Variants in ALG12 observed in about 807,000 individuals in gnomAD.
ALG12 encodes the protein ALG12 alpha-1,6-mannosyltransferase.
A neutral mutation model predicts 46.0 loss-of-function variants in ALG12; 36 were observed. The ratio of observed to expected loss-of-function variants is 0.78; its 90% CI spans 0.60 to 1.03. The LOEUF is 1.03. ALG12 is among the 50% of genes least tolerant of loss of function. The pLI, the probability that ALG12 is intolerant of heterozygous loss-of-function variation, is 0.00. For synonymous variants in ALG12, 326 were observed against 291.6 expected (o/e 1.12, Z -1.20); for missense variants, 599 against 633.5 (o/e 0.95, Z 0.58).
chr22:49,912,012 GCCTCGGCCACGGGATCAC>G (rs2060579849), intron 3 of ALG12, among the ~76,000 whole-genome samples: 1 of 150,380 alleles, frequency 6.6e-6, no homozygotes. Flanking sequence ...CCCGGGATCA[GCCTCGGCCACGGGATCAC>G]CCTCGGCCCC....
At chr22:49,866,506 A>G in the ALG12 span, among the ~76,000 whole-genome samples, 4 of 151,448 alleles carry the variant, frequency 2.6e-5, no homozygotes, top group Non-Finnish European at 5.9e-5. Flanking sequence ...TTTTACTTTT[A>G]TTTTTAGTGT....
downstream of ALG12, among the ~76,000 whole-genome samples, chr22:49,899,187 T>C (rs529596825): frequency 2.6e-5 from 4 of 152,008 alleles, no homozygotes; most frequent in Admixed American, 2.6e-4. Context: ...AGAAAAATGA[T>C]GCAGGCCGGG....
At chr22:49,874,865 T>C in the ALG12 span, among the ~76,000 whole-genome samples, 1 of 151,698 alleles carries the variant, frequency 6.6e-6, no homozygotes, top group Non-Finnish European at 1.5e-5. Context: ...GTATTTTTAA[T>C]AGAGACGGGG....
At chr22:49,876,618 T>A in the ALG12 span, among the ~76,000 whole-genome samples, 3 of 152,230 alleles carry the variant, frequency 2.0e-5, no homozygotes, top group Non-Finnish European at 4.4e-5. Context: ...TATACCTTTT[T>A]TCATCCATTT....
the ALG12 span, chr22:49,884,799 G>A: frequency 1.0e-4 from 162 of 1,609,534 alleles, no homozygotes; most frequent in South Asian, 7.5e-4. Flanking sequence ...CAGTAAAGCC[G>A]GTCAGAGAGT....
chr22:49,865,097 G>C, the ALG12 span, among the ~76,000 whole-genome samples: 791 of 152,200 alleles, frequency 5.2e-3, 8 homozygotes, highest in African/African-American at 0.018. Flanking sequence ...ACTCAGCGAT[G>C]TTGTCGTTGT....
At chr22:49,886,154 C>T in the ALG12 span, 21 of 693,638 alleles carry the variant, frequency 3.0e-5, no homozygotes, top group African/African-American at 1.2e-4. The surrounding 1 kb of genome is among the most constrained non-coding windows in gnomAD (Gnocchi z 7.7). Context: ...TTCAGCCATA[C>T]GGTGAACCTG....
chr22:49,873,098 T>C, the ALG12 span, among the ~76,000 whole-genome samples: 198 of 152,334 alleles, frequency 1.3e-3, 2 homozygotes, highest in Middle Eastern at 3.4e-3. Context: ...CCCAAGGTGC[T>C]GGGATTACAG....
At chr22:49,859,442 C>G in the ALG12 span, among the ~76,000 whole-genome samples, 1 of 152,120 alleles carries the variant, frequency 6.6e-6, no homozygotes, top group African/African-American at 2.4e-5. Flanking sequence ...CCCCTGTGTC[C>G]TTTTCACTCC....
the ALG12 span, among the ~76,000 whole-genome samples, chr22:49,878,301 CAAA>C: frequency 2.8e-5 from 3 of 107,208 alleles, no homozygotes; most frequent in Non-Finnish European, 3.5e-5. Flanking sequence ...GACACTGTCT[CAAA>C]AAAAAAAAAA....
rs1302782707 is a variant in ALG12, at chr22:49,906,615, C to T, written c.992+1106G>A. ...CCTGACCGCTGCCTGAGATCAGGGA[C>T]CGCATTGTGGGGCTTCCTCTCCAGC... On this transcript the variant is annotated intron_variant, in intron 7 of 9. Transcript: ENST00000330817. This position sits in a 1 kb window ranked among gnomAD's most constrained non-coding sequence, Gnocchi z 4.4. Among the ~76,000 whole-genome samples, 2 of 152,200 alleles carry T rather than the reference C, an allele frequency of 1.3e-5. No individual in the cohort carries two copies. Among genetic ancestry groups the T allele is most frequent in the Non-Finnish European group, 2.9e-5 (2 of 68,014 alleles).
At chr22:49,910,974 C>T (rs2060573469) in intron 3 of ALG12, among the ~76,000 whole-genome samples, 1 of 152,226 alleles carries the variant, frequency 6.6e-6, no homozygotes, top group Non-Finnish European at 1.5e-5. Context: ...TCAGACCTTG[C>T]TCTAACCAGC....
chr22:49,862,489 G>A, the ALG12 span, among the ~76,000 whole-genome samples: 1 of 152,124 alleles, frequency 6.6e-6, no homozygotes, highest in African/African-American at 2.4e-5. Context: ...TCAGTGTCTA[G>A]CGTAATGAGT....
chr22:49,884,142 C>T, the ALG12 span: 29 of 1,613,684 alleles, frequency 1.8e-5, no homozygotes, highest in African/African-American at 4.0e-5. Flanking sequence ...TCATGAGGCA[C>T]GTGAGGCGCG....
chr22:49,871,630 A>G, the ALG12 span, among the ~76,000 whole-genome samples: 42 of 152,148 alleles, frequency 2.8e-4, no homozygotes, highest in African/African-American at 9.2e-4. Flanking sequence ...GCAACTCATA[A>G]TCTCAGCTGG....
Position 49,903,939 on chromosome 22 carries a change from C to T in ALG12, c.1366G>A (p.Gly456Arg). The change falls in exon 10 of 10, where the codon GGG becomes AGG. Residue 456 changes from glycine (G) to arginine (R), a missense_variant. By Grantham distance (125) the Gly-to-Arg change is moderately radical. Coordinates refer to ENST00000330817, the MANE Select transcript of ALG12 (RefSeq NM_024105.4). Reference protein sequence around the residue: ...DTHRVLASVVGTTGVSLNLTQ... With the variant: ...DTHRVLASVVRTTGVSLNLTQ... ...AGGTTCAGACTCACACCTGTGGTCC[C>T]CACGACGCTGGCCAGGACCCGGTGT... 1 of 1,614,184 alleles carries T rather than the reference C, an allele frequency of 6.2e-7. No homozygotes were observed. Among genetic ancestry groups the T allele is most frequent in the Non-Finnish European group, 8.5e-7 (1 of 1,180,018 alleles).
the ALG12 span, among the ~76,000 whole-genome samples, chr22:49,867,938 A>G: frequency 6.6e-6 from 1 of 152,210 alleles, no homozygotes; most frequent in Admixed American, 6.5e-5. Context: ...TTTGTCATAA[A>G]GTGTTGAATA....
chr22:49,865,493 C>CA, the ALG12 span, among the ~76,000 whole-genome samples: 206 of 144,688 alleles, frequency 1.4e-3, no homozygotes, highest in East Asian at 0.012. Context: ...TATTAAAATA[C>CA]AAAAAAAAAA....
rs762243617 is a variant in ALG12, at chr22:49,909,918, C to G, written c.640G>C (p.Val214Leu). The G allele has an allele frequency of 6.2e-7, 1 of 1,614,150 alleles. No homozygotes were observed. Among genetic ancestry groups the G allele is most frequent in the East Asian group, 2.2e-5 (1 of 44,892 alleles). Residue 214 changes from valine to leucine, a missense_variant, in exon 5 of 10, where the codon GTC (valine) becomes CTC (leucine). Physicochemically the swap from Val to Leu is conservative, Grantham distance 32 (BLOSUM62 1). Coordinates refer to ENST00000330817, the MANE Select transcript of ALG12 (RefSeq NM_024105.4). The part of the protein sequence containing the change: ...VSVVRALRHA[V>L]PAGILCLGLT... ...CCTAAACAGAGGATCCCTGCCGGGA[C>G]GGCGTGGCGAAGGGCTCTGACTACA... is the stretch of plus-strand genomic sequence containing the variant.
Sources: allele counts gnomAD v4.1 joint callset (sites outside exome capture counted in the v4.1 genomes callset), GRCh38; gene constraint gnomAD v4.1.1; non-coding constraint Gnocchi (gnomAD v3.1); transcripts MANE v1.5; gene names NCBI Gene and HGNC (gene_info 2026-07-23, HGNC 2026-07-21).